SNX25: variants seen among roughly 807,000 people sequenced by gnomAD.
SNX25 encodes sorting nexin 25.
In SNX25, 62 loss-of-function variants were observed where a neutral mutation model predicts 113.7. That is an observed-to-expected ratio of 0.55 (90% CI 0.44 to 0.67). The LOEUF (loss-of-function observed/expected upper bound fraction) is 0.67. Among genes scored for constraint, SNX25 ranks in the 30% least tolerant of loss-of-function variants. The pLI is 0.00. For synonymous variants in SNX25, 421 were observed against 436.2 expected (o/e 0.97, Z 0.43); for missense variants, 1,014 against 1,161.0 (o/e 0.87, Z 1.84).
chr4:185,284,015 G>C (rs567977013), intron 5 of SNX25, among the ~76,000 whole-genome samples: 1 of 152,276 alleles, frequency 6.6e-6, no homozygotes, highest in African/African-American at 2.4e-5. Context: ...ATTTTTACCT[G>C]TTAAGTGTTA....
intron 1 of SNX25, among the ~76,000 whole-genome samples, chr4:185,221,482 G>A (rs1739840484): frequency 6.6e-6 from 1 of 152,098 alleles, no homozygotes; most frequent in East Asian, 1.9e-4. Context: ...TGAGTATCTT[G>A]CATTCATCTA....
In SNX25 at chr4:185,266,979, G is replaced by A. The variant is rs774951680; in HGVS notation, c.915G>A (p.Pro305=). 2.0e-5 allele frequency: 33 copies of A among 1,611,432 alleles called. No homozygotes were observed. The highest frequency in any genetic ancestry group is 1.4e-4 in the South Asian group (13 of 90,654). The part of the protein sequence containing the change: ...AEILTTKVLK[P]VVELLSNPDY... ...TTCTTCTTCCTGTAGTCTTGAAGCC[G>A]GTAGTGGAGTTACTGAGTAATCCAG... Residue 305 remains proline (P), a synonymous_variant, in exon 5 of 19, where the codon CCG becomes CCA. Coordinates refer to ENST00000652585, the MANE Select transcript of SNX25 (RefSeq NM_001378034.2).
chr4:185,348,019 G>A (rs2095296712), intron 13 of SNX25, among the ~76,000 whole-genome samples: 1 of 151,832 alleles, frequency 6.6e-6, no homozygotes, highest in Non-Finnish European at 1.5e-5. Flanking sequence ...AAGAAATCTT[G>A]GCCTACTCCA....
intron 16 of SNX25, among the ~76,000 whole-genome samples, 197 bp from the exon 17 acceptor site, chr4:185,361,727 G>T (rs2126760752): frequency 6.6e-6 from 1 of 152,182 alleles, no homozygotes; most frequent in Admixed American, 6.5e-5. Flanking sequence ...GAAAAAGCAA[G>T]ACTCCATCTC....
intron 6 of SNX25, among the ~76,000 whole-genome samples, chr4:185,308,382 T>C (rs1039316351): frequency 7.9e-5 from 12 of 152,208 alleles, no homozygotes; most frequent in African/African-American, 2.7e-4. Flanking sequence ...CTAACTCTGA[T>C]TGCAGACTCT....
chr4:185,362,154 T>A, intron 17 of SNX25, 49 bp downstream of exon 17: 2 of 1,536,244 alleles, frequency 1.3e-6, no homozygotes, highest in South Asian at 2.4e-5. Context: ...TGAGGGAATG[T>A]GAACCCCACT....
intron 15 of SNX25, among the ~76,000 whole-genome samples, chr4:185,356,739 C>T (rs748466204): frequency 3.9e-5 from 6 of 152,086 alleles, no homozygotes; most frequent in East Asian, 1.9e-4. Context: ...ACAAGAGCCC[C>T]GAACTCTTGG....
chr4:185,304,714 C>T (rs1284986739), intron 6 of SNX25, among the ~76,000 whole-genome samples: 1 of 152,106 alleles, frequency 6.6e-6, no homozygotes, highest in Non-Finnish European at 1.5e-5. Context: ...GTTTTAAACT[C>T]CTGGCCTCAA....
intron 9 of SNX25, 23 bp downstream of exon 9, chr4:185,323,823 C>T (rs1423152991): frequency 5.0e-6 from 8 of 1,607,208 alleles, no homozygotes; most frequent in Non-Finnish European, 6.8e-6. Flanking sequence ...TAACTTTCTG[C>T]TCCTTTTTAT....
intron 2 of SNX25, among the ~76,000 whole-genome samples, chr4:185,249,469 A>G (rs1745339238): frequency 6.6e-6 from 1 of 152,032 alleles, no homozygotes; most frequent in Non-Finnish European, 1.5e-5. Context: ...TTAAACTTAT[A>G]ATTTATTTAT....
Position 185,210,381 on chromosome 4 carries a change from G to A in SNX25, c.429+126G>A, listed in dbSNP as rs1240238348. ...CGAAGCGGGAAGCCGGGAGCCAGGG[G>A]GCTGGGCTGCGGGCCCGGCCGTGGA... is the stretch of plus-strand genomic sequence containing the variant. On this transcript the variant is annotated intron_variant, in intron 1 of 18. Coordinates refer to ENST00000652585, the MANE Select transcript of SNX25 (RefSeq NM_001378034.2). This position sits in a 1 kb window ranked among gnomAD's most constrained non-coding sequence, Gnocchi z 4.4. 1 of 972,220 alleles carries A rather than the reference G, an allele frequency of 1.0e-6. No individual in the cohort carries two copies. Among genetic ancestry groups the A allele is most frequent in the Non-Finnish European group, 1.2e-6 (1 of 820,046 alleles). 60.2% of individuals were successfully genotyped at this position (972,220 alleles called of 1,614,324 possible).
At position 185,224,466 on chromosome 4, in the gene SNX25, A is replaced by G. The variant is rs1156606746; in HGVS notation, c.429+14211A>G. ...ATATAAATATATATATAGATATATA[A>G]ATATATAAATATATAGATATATAAA... is the stretch of plus-strand genomic sequence containing the variant. On this transcript the variant is annotated intron_variant, in intron 1 of 18. Coordinates refer to ENST00000652585, the MANE Select transcript of SNX25 (RefSeq NM_001378034.2). Among the ~76,000 whole-genome samples the G allele has an allele frequency of 7.9e-4, 82 of 103,606 alleles. 1 individual carries two copies. Among genetic ancestry groups the G allele is most frequent in the Middle Eastern group, 9.7e-3 (2 of 206 alleles). 68.0% of individuals were successfully genotyped at this position (103,606 alleles called of 152,430 possible).
chr4:185,268,014 G>A (rs1748380406), intron 5 of SNX25, among the ~76,000 whole-genome samples: 1 of 152,154 alleles, frequency 6.6e-6, no homozygotes, highest in African/African-American at 2.4e-5. Context: ...GAATGAGGAG[G>A]GGTTTGTCTT....
At chr4:185,206,660 CAAAAAAAA>C (rs375061067), upstream of SNX25, among the ~76,000 whole-genome samples, 1 of 77,438 alleles carries the variant, frequency 1.3e-5, no homozygotes, top group Non-Finnish European at 2.3e-5. Context: ...ACTCTTGTCT[CAAAAAAAA>C]AAAAAAAAAA....
intron 1 of SNX25, among the ~76,000 whole-genome samples, chr4:185,239,244 G>A (rs1280275603): frequency 8.3e-6 from 1 of 120,214 alleles, no homozygotes; most frequent in East Asian, 2.5e-4. Context: ...CACTTTGGGA[G>A]GCCAAGGCGG....
chr4:185,314,324 C>CAAAAAAAAAA (rs35324892), intron 7 of SNX25, among the ~76,000 whole-genome samples: 1 of 75,368 alleles, frequency 1.3e-5, no homozygotes, highest in Non-Finnish European at 2.4e-5. Flanking sequence ...CCCCTCTCTA[C>CAAAAAAAAAA]AAAAAAAAAA....
At chr4:185,213,653 G>A (rs1738297487) in intron 1 of SNX25, among the ~76,000 whole-genome samples, 2 of 152,068 alleles carry the variant, frequency 1.3e-5, no homozygotes, top group Admixed American at 6.6e-5. Flanking sequence ...AACTCACCTG[G>A]GTCTGAGCCT....
chr4:185,245,262 CT>C (rs373723671), intron 1 of SNX25, among the ~76,000 whole-genome samples: 169 of 150,836 alleles, frequency 1.1e-3, no homozygotes, highest in African/African-American at 2.5e-3. Context: ...AAAAAATCCT[CT>C]TTTTAATGTA....
At chr4:185,282,968 A>T (rs972909868) in intron 5 of SNX25, among the ~76,000 whole-genome samples, 3 of 152,188 alleles carry the variant, frequency 2.0e-5, no homozygotes, top group Non-Finnish European at 4.4e-5. Context: ...GTTTGGATGT[A>T]TATATTGTAT....
Sources: gnomAD v4.1 joint callset for allele counts (sites outside exome capture counted in the v4.1 genomes callset) on GRCh38, gnomAD v4.1.1 for gene constraint, Gnocchi (gnomAD v3.1) non-coding constraint, MANE v1.5 for transcripts, NCBI Gene and HGNC (gene_info 2026-07-23, HGNC 2026-07-21) for gene names.